SLC14A2: variants seen among roughly 807,000 people sequenced by gnomAD.
SLC14A2 encodes solute carrier family 14 member 2.
SLC14A2 carries 91 observed loss-of-function variants against 104.6 expected under a neutral mutation model. The observed-to-expected ratio is 0.87, with a 90% CI of 0.73 to 1.04. The LOEUF is 1.04. Ranked by LOEUF, SLC14A2 falls within the 50% of genes least tolerant of loss-of-function variation. SLC14A2 has a pLI of 0.00. For synonymous variants in SLC14A2, 476 were observed against 466.4 expected (o/e 1.02, Z -0.27); for missense variants, 1,189 against 1,156.0 (o/e 1.03, Z -0.41).
At position 45,573,189 on chromosome 18, in the gene SLC14A2, T is replaced by G. The variant is rs1194266000; in HGVS notation, c.-34-51442T>G. 3.3e-5 allele frequency among the ~76,000 whole-genome samples: 5 copies of G among 152,236 alleles called. No individual in the cohort carries two copies. In the East Asian group the frequency reaches 9.6e-4, roughly 29 times the overall value. The stretch of plus-strand genomic sequence containing the variant: ...CATGCATCAGAATCACCTAGAAGGC[T>G]TGTTGAAATGATTGATAGGTCTGGA... On this transcript the variant is annotated intron_variant, in intron 2 of 20. Transcript: ENST00000586448.
At chr18:45,570,870 C>T (rs541682729) in intron 2 of SLC14A2, among the ~76,000 whole-genome samples, 2 of 151,396 alleles carry the variant, frequency 1.3e-5, no homozygotes, top group South Asian at 2.1e-4. Context: ...AATAGAACAA[C>T]ATAAAACTAG....
intron 1 of SLC14A2, among the ~76,000 whole-genome samples, chr18:45,252,559 A>C (rs972205215): frequency 5.9e-5 from 9 of 152,250 alleles, no homozygotes; most frequent in African/African-American, 2.2e-4. Flanking sequence ...CAAACAAGAC[A>C]AAAACAAAAC....
At chr18:45,186,255 T>C in the SLC14A2 span, among the ~76,000 whole-genome samples, 1 of 152,216 alleles carries the variant, frequency 6.6e-6, no homozygotes, top group Admixed American at 6.6e-5. Flanking sequence ...TATATAATAC[T>C]GGTTTAAAGA....
At chr18:45,479,536 C>A (rs1223020219) in intron 1 of SLC14A2, among the ~76,000 whole-genome samples, 1 of 152,142 alleles carries the variant, frequency 6.6e-6, no homozygotes. Context: ...TATGTCTTGT[C>A]AGCATACTAC....
At chr18:45,446,493 A>G (rs2086772414) in intron 1 of SLC14A2, among the ~76,000 whole-genome samples, 1 of 152,216 alleles carries the variant, frequency 6.6e-6, no homozygotes, top group Admixed American at 6.5e-5. Context: ...CTTGTCTTAG[A>G]CTTCCAGCCA....
chr18:45,298,940 A>T (rs2078619775), intron 1 of SLC14A2, among the ~76,000 whole-genome samples: 1 of 152,190 alleles, frequency 6.6e-6, no homozygotes, highest in African/African-American at 2.4e-5. Flanking sequence ...GAGTTGAGTT[A>T]CTTGACCCAT....
chr18:45,403,634 C>T (rs1184774988), intron 1 of SLC14A2, among the ~76,000 whole-genome samples: 1 of 151,998 alleles, frequency 6.6e-6, no homozygotes, highest in Non-Finnish European at 1.5e-5. Flanking sequence ...TGCTCCATGG[C>T]CTAGTTCATG....
intron 2 of SLC14A2, among the ~76,000 whole-genome samples, chr18:45,587,701 A>G (rs1009760242): frequency 2.0e-5 from 3 of 152,150 alleles, no homozygotes; most frequent in African/African-American, 7.2e-5. Context: ...TTTCCCAGAG[A>G]AAGAAACTGA....
intron 2 of SLC14A2, among the ~76,000 whole-genome samples, chr18:45,527,651 T>A (rs2043613656): frequency 6.6e-6 from 1 of 152,234 alleles, no homozygotes; most frequent in African/African-American, 2.4e-5. Context: ...CTAGCCTGGA[T>A]ACTTATAGCA....
chr18:45,364,425 G>A (rs1003854489), intron 1 of SLC14A2, among the ~76,000 whole-genome samples: 14 of 152,196 alleles, frequency 9.2e-5, no homozygotes, highest in African/African-American at 3.1e-4. Context: ...TGATCACTGT[G>A]AGAGTAGAAG....
At chr18:45,272,267 A>G (rs1243765267) in intron 1 of SLC14A2, among the ~76,000 whole-genome samples, 4 of 152,118 alleles carry the variant, frequency 2.6e-5, no homozygotes, top group African/African-American at 7.2e-5. Flanking sequence ...AAAGGAAATC[A>G]TCATATTGAA....
At chr18:45,644,322 AT>A in intron 10 of SLC14A2, 162 bp downstream of exon 10, 1 of 585,308 alleles carries the variant, frequency 1.7e-6, no homozygotes, top group Non-Finnish European at 3.0e-6. Context: ...CCTGAAGCTG[AT>A]TTTCATTCTC....
Position 45,417,532 on chromosome 18 carries a change from T to C in SLC14A2, c.-124-65701T>C, listed in dbSNP as rs191927104. Among the ~76,000 whole-genome samples the C allele has an allele frequency of 6.6e-3, 1,011 of 152,244 alleles. 6 individuals carry two copies. Among genetic ancestry groups the C allele is most frequent in the South Asian group, 0.018 (89 of 4,812 alleles). ...AACTGCCAAGCAAAGAGGGAAAAGCTCCTTATAAAGCCATCAGATCTTCTG... is the reference window on the plus strand; with the variant it reads ...AACTGCCAAGCAAAGAGGGAAAAGCCCCTTATAAAGCCATCAGATCTTCTG... On this transcript the variant is annotated intron_variant, in intron 1 of 20. Transcript: ENST00000586448.
At chr18:45,203,313 T>C in the SLC14A2 span, among the ~76,000 whole-genome samples, 1 of 152,186 alleles carries the variant, frequency 6.6e-6, no homozygotes, top group South Asian at 2.1e-4. Context: ...TCCACATTCT[T>C]ACCCAGTGTG....
intron 2 of SLC14A2, among the ~76,000 whole-genome samples, chr18:45,546,736 TG>T (rs1227778720): frequency 2.6e-5 from 4 of 152,212 alleles, no homozygotes; most frequent in Non-Finnish European, 5.9e-5. Context: ...ATCTGTAAAA[TG>T]GGTATACTAA....
chr18:45,464,422 G>A (rs1316456755), intron 1 of SLC14A2, among the ~76,000 whole-genome samples: 1 of 152,190 alleles, frequency 6.6e-6, no homozygotes, highest in African/African-American at 2.4e-5. Flanking sequence ...TGTAAGGTCA[G>A]CTCCCACCTG....
At chr18:45,673,952 C>T (rs1599163864) in intron 18 of SLC14A2, 135 bp downstream of exon 18, 1 of 910,862 alleles carries the variant, frequency 1.1e-6, no homozygotes, top group Non-Finnish European at 1.6e-6. Context: ...AACGTTCAGT[C>T]ACATGAAGAC....
At chr18:45,486,403 G>A (rs75166127) in intron 2 of SLC14A2, among the ~76,000 whole-genome samples, 11,361 of 151,792 alleles carry the variant, frequency 0.075, 553 homozygotes, top group East Asian at 0.21. Flanking sequence ...TTTTCCTAGA[G>A]GCTGAGTTAA....
intron 1 of SLC14A2, among the ~76,000 whole-genome samples, chr18:45,619,711 C>G (rs923610901): frequency 6.6e-6 from 1 of 151,748 alleles, no homozygotes; most frequent in East Asian, 2.0e-4. Context: ...GGACGTGGCT[C>G]GGGCAGGGAT....
Sources: gnomAD v4.1 joint callset for allele counts (sites outside exome capture counted in the v4.1 genomes callset) on GRCh38, gnomAD v4.1.1 for gene constraint, MANE v1.5 for transcripts, NCBI Gene and HGNC (gene_info 2026-07-23, HGNC 2026-07-21) for gene names.